Variants in ZFAND3 observed in about 807,000 individuals in gnomAD.
ZFAND3 encodes AN1-type zinc finger protein 3.
A neutral mutation model predicts 29.6 loss-of-function variants in ZFAND3; 10 were observed. The ratio of observed to expected loss-of-function variants is 0.34; its 90% CI spans 0.21 to 0.57. The LOEUF (loss-of-function observed/expected upper bound fraction) is 0.57, where lower values mean the gene tolerates loss of function less well. ZFAND3 is among the 20% of genes least tolerant of loss of function. The pLI, the probability that ZFAND3 is intolerant of heterozygous loss-of-function variation, is 0.86. For missense variants in ZFAND3, 230 were observed against 304.5 expected, an observed-to-expected ratio of 0.76 and a Z score of 1.82; for synonymous variants, 128 against 112.6, an observed-to-expected ratio of 1.14 and a Z score of -0.87.
rs1455646166 is a variant in ZFAND3 at position 37,884,659 on chromosome 6, C to T, written c.72-45300C>T. Among the ~76,000 whole-genome samples the T allele has an allele frequency of 1.4e-5, 2 of 144,604 alleles. 1 individual carries two copies. Among genetic ancestry groups the T allele is most frequent in the African/African-American group, 5.6e-5 (2 of 35,524 alleles). 94.9% of individuals were successfully genotyped at this position (144,604 alleles called of 152,430 possible). ...ATGAAAATCATTTGTCATTTATCTG[C>T]TACTCTAAATATCAAGTGGCAGGGC... is the stretch of plus-strand genomic sequence containing the variant. On this transcript the variant is annotated intron_variant, in intron 1 of 5. Coordinates refer to ENST00000287218, the MANE Select transcript of ZFAND3 (RefSeq NM_021943.3).
chr6:38,035,315 C>G (rs1763637270), intron 2 of ZFAND3, among the ~76,000 whole-genome samples: 2 of 152,058 alleles, frequency 1.3e-5, no homozygotes, highest in East Asian at 1.9e-4. Flanking sequence ...TTATCATAGC[C>G]AAGGCATTTT....
intron 4 of ZFAND3, among the ~76,000 whole-genome samples, chr6:38,113,474 A>G (rs1765358336): frequency 6.6e-6 from 1 of 152,144 alleles, no homozygotes. Context: ...ATCAAGGAAA[A>G]TCTCAGCATG....
intron 5 of ZFAND3, among the ~76,000 whole-genome samples, chr6:38,147,978 T>TA (rs765341522): frequency 2.6e-5 from 4 of 152,332 alleles, no homozygotes; most frequent in Non-Finnish European, 5.9e-5. Flanking sequence ...CTCATTTGTC[T>TA]ATTTTTGTTT....
At chr6:37,924,975 G>C (rs548111599) in intron 1 of ZFAND3, among the ~76,000 whole-genome samples, 28 of 152,030 alleles carry the variant, frequency 1.8e-4, no homozygotes, top group South Asian at 6.2e-4. Context: ...AGAGAACAGA[G>C]AAAAGGCAAG....
Position 38,082,540 on chromosome 6 carries a change from C to T in ZFAND3, c.361+83C>T, listed in dbSNP as rs561929750. 186 of 1,291,532 alleles carry T rather than the reference C, an allele frequency of 1.4e-4. 1 individual carries two copies. The highest frequency in any genetic ancestry group is 1.8e-4 in the Non-Finnish European group (161 of 914,414). The allele number at this position is 1,291,532 out of a possible 1,614,324, so 80.0% of individuals were successfully genotyped here. On this transcript the variant is annotated intron_variant, in intron 4 of 5. Coordinates refer to ENST00000287218, the MANE Select transcript of ZFAND3 (RefSeq NM_021943.3). ...CAACTGGTTCTAACTTGGTGTGCTTCTCAGGGTACTCTGATTTCTTCCGTC... is the reference window on the plus strand; with the variant it reads ...CAACTGGTTCTAACTTGGTGTGCTTTTCAGGGTACTCTGATTTCTTCCGTC...
chr6:38,008,013 C>T (rs1269601170), intron 2 of ZFAND3, among the ~76,000 whole-genome samples: 1 of 152,176 alleles, frequency 6.6e-6, no homozygotes, highest in Non-Finnish European at 1.5e-5. Context: ...TCACCCCAGA[C>T]CTGCTGGATC....
chr6:38,082,111 T>G (rs191513708), intron 3 of ZFAND3, among the ~76,000 whole-genome samples: 75 of 152,096 alleles, frequency 4.9e-4, no homozygotes, highest in African/African-American at 1.6e-3. Flanking sequence ...TTTTTATTCT[T>G]TAACTTGTTA....
At chr6:37,969,745 T>C (rs1220709298) in intron 2 of ZFAND3, among the ~76,000 whole-genome samples, 3 of 152,222 alleles carry the variant, frequency 2.0e-5, no homozygotes, top group African/African-American at 4.8e-5. Flanking sequence ...TCAGTAGTTA[T>C]TGAAATTTGC....
At chr6:37,948,007 G>T (rs972839475) in intron 2 of ZFAND3, among the ~76,000 whole-genome samples, 6 of 151,994 alleles carry the variant, frequency 3.9e-5, no homozygotes, top group East Asian at 1.9e-4. Context: ...TATTTATTGA[G>T]ACTTGTTTTA....
intron 4 of ZFAND3, among the ~76,000 whole-genome samples, chr6:38,097,552 C>T (rs1050142221): frequency 3.9e-5 from 6 of 152,124 alleles, no homozygotes; most frequent in Non-Finnish European, 7.3e-5. Context: ...TATAAGGGAC[C>T]ATAGAAACAG....
chr6:38,057,358 G>A (rs1023664301), intron 2 of ZFAND3, among the ~76,000 whole-genome samples: 3 of 152,112 alleles, frequency 2.0e-5, no homozygotes, highest in African/African-American at 7.2e-5. Flanking sequence ...TTGGATGCTG[G>A]GTGGTTCAGA....
At position 37,961,961 on chromosome 6, in the gene ZFAND3, G is replaced by A. The variant is rs980511521; in HGVS notation, c.112+31962G>A. On this transcript the variant is annotated intron_variant, in intron 2 of 5. Coordinates refer to ENST00000287218, the MANE Select transcript of ZFAND3 (RefSeq NM_021943.3). Reference sequence around the variant, plus strand: ...CTTCAATGCCCAGACACAGAGGGGTGTCTGCAAGTATCAGGATGATTGAGG... The same window carrying A: ...CTTCAATGCCCAGACACAGAGGGGTATCTGCAAGTATCAGGATGATTGAGG... Among the ~76,000 whole-genome samples the A allele has an allele frequency of 7.2e-5, 11 of 152,276 alleles. 1 individual carries two copies. Among genetic ancestry groups the A allele is most frequent in the Admixed American group, 3.3e-4 (5 of 15,292 alleles).
intron 2 of ZFAND3, among the ~76,000 whole-genome samples, chr6:38,030,051 G>GATATATATATGTATGTAT (rs1763524444): frequency 1.1e-5 from 1 of 94,988 alleles, no homozygotes; most frequent in African/African-American, 4.9e-5. Flanking sequence ...AGTTCTGCTG[G>GATATATATATGTATGTAT]ATATATATAT....
intron 2 of ZFAND3, among the ~76,000 whole-genome samples, chr6:38,010,248 C>T (rs1763123549): frequency 6.6e-6 from 1 of 152,074 alleles, no homozygotes; most frequent in Non-Finnish European, 1.5e-5. Flanking sequence ...ACCTAGCATG[C>T]ATAGCTTTGG....
intron 2 of ZFAND3, among the ~76,000 whole-genome samples, chr6:37,995,087 GT>G (rs1241831961): frequency 6.6e-6 from 1 of 152,190 alleles, no homozygotes; most frequent in African/African-American, 2.4e-5. Flanking sequence ...CAGAAAGGTG[GT>G]GGCATGATAA....
chr6:38,118,156 T>G (rs1197895448), intron 5 of ZFAND3, among the ~76,000 whole-genome samples: 5 of 152,204 alleles, frequency 3.3e-5, no homozygotes, highest in Non-Finnish European at 7.4e-5. Flanking sequence ...GTCCGTGTGT[T>G]CATGCACGCA....
At chr6:38,112,258 C>T (rs1042358006) in intron 4 of ZFAND3, among the ~76,000 whole-genome samples, 1 of 152,166 alleles carries the variant, frequency 6.6e-6, no homozygotes, top group African/African-American at 2.4e-5. Context: ...ATATCTACTA[C>T]ACTAGATTAT....
chr6:37,899,625 A>T (rs996685068), intron 1 of ZFAND3, among the ~76,000 whole-genome samples: 1 of 152,228 alleles, frequency 6.6e-6, no homozygotes, highest in Non-Finnish European at 1.5e-5. Context: ...AATAGGATTG[A>T]TCTAATTTTA....
chr6:38,140,056 C>T (rs1765918521), intron 5 of ZFAND3, among the ~76,000 whole-genome samples: 1 of 152,150 alleles, frequency 6.6e-6, no homozygotes, highest in African/African-American at 2.4e-5. Context: ...CCACTGGCTG[C>T]ATGGTGGCCC....
Sources: gnomAD v4.1 joint callset for allele counts (sites outside exome capture counted in the v4.1 genomes callset) on GRCh38, gnomAD v4.1.1 for gene constraint, MANE v1.5 for transcripts, NCBI Gene and HGNC (gene_info 2026-07-23, HGNC 2026-07-21) for gene names.